Variants in CACNA2D1 observed in about 807,000 individuals in gnomAD.
CACNA2D1 encodes calcium voltage-gated channel auxiliary subunit alpha2delta 1.
CACNA2D1 carries 53 observed loss-of-function variants against 171.5 expected under a neutral mutation model. That is an observed-to-expected ratio of 0.31 (90% CI 0.25 to 0.39). The LOEUF is 0.39. CACNA2D1 is among the 10% of genes least tolerant of loss of function. The pLI, the probability that CACNA2D1 is intolerant of heterozygous loss-of-function variation, is 1.00. For synonymous variants in CACNA2D1, 442 were observed against 443.1 expected (o/e 1.00, Z 0.03); for missense variants, 903 against 1,299.8 (o/e 0.69, Z 4.69).
At chr7:82,038,272 T>C in intron 10 of CACNA2D1, 37 bp from the exon 11 acceptor site, 1 of 1,551,540 alleles carries the variant, frequency 6.4e-7, no homozygotes, top group Non-Finnish European at 8.9e-7. Context: ...TAAATGAACA[T>C]TAAAATCAAC....
chr7:82,063,361 A>G (rs1807189220), intron 9 of CACNA2D1, among the ~76,000 whole-genome samples: 1 of 152,204 alleles, frequency 6.6e-6, no homozygotes, highest in African/African-American at 2.4e-5. Flanking sequence ...AAGAAATAAA[A>G]TAAGAATTAA....
At chr7:82,058,631 T>C (rs1376362490) in intron 10 of CACNA2D1, among the ~76,000 whole-genome samples, 1 of 152,150 alleles carries the variant, frequency 6.6e-6, no homozygotes, top group South Asian at 2.1e-4. Context: ...AGAGATCTTA[T>C]GCAGTATCAA....
chr7:81,955,178 T>C (rs1290537805), intron 38 of CACNA2D1, among the ~76,000 whole-genome samples: 1 of 152,096 alleles, frequency 6.6e-6, no homozygotes. Context: ...TGGAGCTTCA[T>C]AACTGTTTTT....
In CACNA2D1 at chr7:82,016,671, A is replaced by T. The variant is rs1028866493; in HGVS notation, c.1144-2192T>A. 5.6e-5 allele frequency among the ~76,000 whole-genome samples: 8 copies of T among 142,888 alleles called. No homozygotes were observed. In the Admixed American group the frequency reaches 6.0e-4, roughly 11 times the overall value. 93.7% of individuals were successfully genotyped at this position (142,888 alleles called of 152,430 possible). On this transcript the variant is annotated intron_variant, in intron 12 of 38. Coordinates refer to ENST00000356860, the MANE Select transcript of CACNA2D1 (RefSeq NM_000722.4). ...TTATTTTGCTATAAAAGTTTCACTT[A>T]ACTTCTACGTGTTTGCTTACATGGA...
intron 3 of CACNA2D1, among the ~76,000 whole-genome samples, chr7:82,301,611 T>C (rs1813011912): frequency 6.6e-6 from 1 of 152,154 alleles, no homozygotes; most frequent in African/African-American, 2.4e-5. Flanking sequence ...CCAACATAGA[T>C]GGTAGAAAAT....
intron 1 of CACNA2D1, among the ~76,000 whole-genome samples, chr7:82,378,306 G>A (rs1444077531): frequency 2.0e-5 from 3 of 152,174 alleles, no homozygotes; most frequent in Admixed American, 6.5e-5. Context: ...GGCTGAGGCA[G>A]GAGGATCATT....
rs771188555 is a variant in CACNA2D1 at position 81,997,192 on chromosome 7, T to A, written c.1649A>T (p.Asp550Val). 24 of 1,601,290 alleles carry A rather than the reference T, an allele frequency of 1.5e-5. 1 individual carries two copies. The South Asian group carries it at 2.5e-4, about 17-fold the overall frequency. The change falls in exon 19 of 39, where the codon GAT becomes GTT. Residue 550 changes from aspartate (D) to valine (V), a missense_variant. This residue lies in a region of CACNA2D1 where 623 missense variants were observed against 925.5 expected (regional missense o/e 0.67). Coordinates refer to ENST00000356860, the MANE Select transcript of CACNA2D1 (RefSeq NM_000722.4). ...LDFLDAELEN[D>V]IKVEIRNKMI... ...GATTCCACTCACCTCCACTTTAATA[T>A]CATTCTCTAACTCTGCATCAAGGAA...
At chr7:82,071,377 G>T (rs1425632003) in intron 7 of CACNA2D1, among the ~76,000 whole-genome samples, 1 of 152,114 alleles carries the variant, frequency 6.6e-6, no homozygotes, top group Non-Finnish European at 1.5e-5. Flanking sequence ...TGATTGTTCT[G>T]TATTTCTCAC....
intron 10 of CACNA2D1, among the ~76,000 whole-genome samples, chr7:82,058,140 G>A (rs1210274080): frequency 2.6e-5 from 4 of 152,192 alleles, no homozygotes; most frequent in East Asian, 3.9e-4. Context: ...TGAATATTAC[G>A]TATGGCTTCC....
rs184104250 is a variant in CACNA2D1, at chr7:82,120,859, A to G, written c.397-3686T>C. On this transcript the variant is annotated intron_variant, in intron 5 of 38. Transcript: ENST00000356860. ...CACTGCACTCCAGTCTGGGTGACAG[A>G]GCGAGACTCTATCTCAAAAAAAAAA... Among the ~76,000 whole-genome samples, 602 of 138,180 alleles carry G rather than the reference A, an allele frequency of 4.4e-3. 3 individuals are homozygous for G. The highest frequency in any genetic ancestry group is 0.015 in the African/African-American group (555 of 35,844). 90.7% of individuals were successfully genotyped at this position (138,180 alleles called of 152,430 possible). A position where few individuals can be genotyped will look rare whatever the true frequency, so the allele number is the denominator to read the frequency against.
rs144362165 is a variant in CACNA2D1 at position 81,964,812 on chromosome 7, C to T, written c.2575-453G>A. ...TAGATTTTAAGTCTTCTTACCATAC[C>T]GCAAAAAAGGTTAACAACCTGAGAT... On this transcript the variant is annotated intron_variant, in intron 32 of 38. Coordinates refer to ENST00000356860, the MANE Select transcript of CACNA2D1 (RefSeq NM_000722.4). 1.2e-3 allele frequency among the ~76,000 whole-genome samples: 186 copies of T among 151,828 alleles called. 1 individual carries two copies. The highest frequency in any genetic ancestry group is 4.2e-3 in the African/African-American group (174 of 41,468).
intron 7 of CACNA2D1, among the ~76,000 whole-genome samples, chr7:82,080,057 G>GTATATA (rs34773288): frequency 6.7e-6 from 1 of 148,704 alleles, no homozygotes; most frequent in African/African-American, 2.5e-5. Context: ...ATATATGTGT[G>GTATATA]TATATATATA....
intron 3 of CACNA2D1, among the ~76,000 whole-genome samples, chr7:82,299,521 C>T (rs1370436872): frequency 1.3e-5 from 2 of 151,940 alleles, no homozygotes; most frequent in Non-Finnish European, 2.9e-5. Flanking sequence ...ATTAGCCAGG[C>T]GTGGTGGTAG....
chr7:82,218,980 A>G (rs895103119), intron 3 of CACNA2D1, among the ~76,000 whole-genome samples: 1 of 152,268 alleles, frequency 6.6e-6, no homozygotes, highest in East Asian at 1.9e-4. Flanking sequence ...TCTTCATGGG[A>G]TCCTCCATTT....
chr7:82,334,054 C>T (rs981158012), intron 3 of CACNA2D1, among the ~76,000 whole-genome samples: 1 of 151,836 alleles, frequency 6.6e-6, no homozygotes, highest in Non-Finnish European at 1.5e-5. Flanking sequence ...TTTAAATGTA[C>T]AAAAAAATTT....
intron 4 of CACNA2D1, among the ~76,000 whole-genome samples, chr7:82,149,582 G>A (rs1294037649): frequency 6.6e-6 from 1 of 151,970 alleles, no homozygotes; most frequent in Non-Finnish European, 1.5e-5. Flanking sequence ...GCTCATTCTG[G>A]CCACCTGAGA....
intron 3 of CACNA2D1, among the ~76,000 whole-genome samples, chr7:82,175,623 CTACAGA>C (rs1273273807): frequency 6.6e-6 from 1 of 151,992 alleles, no homozygotes; most frequent in Non-Finnish European, 1.5e-5. Context: ...AAAGAAAAGC[CTACAGA>C]TACAATCAAT....
At chr7:82,141,720 A>G (rs1792419582) in intron 4 of CACNA2D1, among the ~76,000 whole-genome samples, 1 of 152,244 alleles carries the variant, frequency 6.6e-6, no homozygotes, top group Non-Finnish European at 1.5e-5. Context: ...ATGACCACAT[A>G]AACTAAAGCT....
At chr7:82,072,035 G>A (rs763423153) in intron 7 of CACNA2D1, among the ~76,000 whole-genome samples, 2 of 151,976 alleles carry the variant, frequency 1.3e-5, no homozygotes, top group Admixed American at 6.6e-5. Context: ...TTACCTATTC[G>A]GTAGGAATTT....
Sources: allele counts gnomAD v4.1 joint callset (sites outside exome capture counted in the v4.1 genomes callset), GRCh38; gene constraint gnomAD v4.1.1; regional missense constraint gnomAD v4.1.1; transcripts MANE v1.5; gene names NCBI Gene and HGNC (gene_info 2026-07-23, HGNC 2026-07-21).